The following ROBO1 variants were observed in gnomAD, a reference collection of about 807,000 sequenced individuals.
ROBO1 encodes the protein roundabout homolog 1.
A neutral mutation model predicts 195.9 loss-of-function variants in ROBO1; 149 were observed. That is an observed-to-expected ratio of 0.76 (90% CI 0.67 to 0.87). The LOEUF (loss-of-function observed/expected upper bound fraction) is 0.87. Ranked by LOEUF, ROBO1 falls within the 40% of genes least tolerant of loss-of-function variation. The pLI, the probability that ROBO1 is intolerant of heterozygous loss-of-function variation, is 0.00. For missense variants in ROBO1, 1,933 were observed against 2,068.3 expected (o/e 0.93, Z 1.27); for synonymous variants, 816 against 733.2 (o/e 1.11, Z -1.82).
At chr3:79,040,850 A>G (rs962875225) in intron 3 of ROBO1, among the ~76,000 whole-genome samples, 1 of 152,076 alleles carries the variant, frequency 6.6e-6, no homozygotes, top group African/African-American at 2.4e-5. Context: ...AAACTTCAAT[A>G]TGTCATAACT....
chr3:78,935,240 T>C (rs2039741638), intron 4 of ROBO1, among the ~76,000 whole-genome samples: 1 of 152,088 alleles, frequency 6.6e-6, no homozygotes, highest in Non-Finnish European at 1.5e-5. Flanking sequence ...AGTTCTTCTA[T>C]GGTTTTGCTG....
chr3:79,461,149 CAA>C (rs1205265855), intron 2 of ROBO1, among the ~76,000 whole-genome samples: 1 of 151,850 alleles, frequency 6.6e-6, no homozygotes, highest in Non-Finnish European at 1.5e-5. Context: ...AAGTTGTAAC[CAA>C]AAGTCTGTCT....
intron 5 of ROBO1, among the ~76,000 whole-genome samples, chr3:78,736,970 C>G (rs1036757298): frequency 6.6e-6 from 1 of 152,110 alleles, no homozygotes; most frequent in Non-Finnish European, 1.5e-5. Flanking sequence ...AAGGATAATA[C>G]GTAACTAGAA....
intron 2 of ROBO1, among the ~76,000 whole-genome samples, chr3:79,348,928 C>G (rs1559836203): frequency 6.6e-6 from 1 of 152,050 alleles, no homozygotes; most frequent in East Asian, 1.9e-4. Context: ...GAAAGTTTAA[C>G]TAAAAAAAAA....
At chr3:79,407,655 T>C (rs890130599) in intron 2 of ROBO1, among the ~76,000 whole-genome samples, 1 of 152,072 alleles carries the variant, frequency 6.6e-6, no homozygotes, top group African/African-American at 2.4e-5. Flanking sequence ...TGTAGTGGGG[T>C]TGTTTTCTTA....
chr3:78,815,536 G>A (rs1447322390), intron 4 of ROBO1, among the ~76,000 whole-genome samples: 1 of 152,138 alleles, frequency 6.6e-6, no homozygotes, highest in African/African-American at 2.4e-5. Context: ...AAGGTTGAGG[G>A]AGATGAGGAA....
chr3:79,364,119 G>A (rs2035872407), intron 2 of ROBO1, among the ~76,000 whole-genome samples: 1 of 151,888 alleles, frequency 6.6e-6, no homozygotes, highest in Non-Finnish European at 1.5e-5. Context: ...CAGGAGAATG[G>A]CGTGAACCCG....
At chr3:79,061,101 C>T (rs1315299875) in intron 3 of ROBO1, among the ~76,000 whole-genome samples, 1 of 152,028 alleles carries the variant, frequency 6.6e-6, no homozygotes, top group Non-Finnish European at 1.5e-5. Context: ...TTTAGAAAAC[C>T]CCATCGTCTT....
chr3:79,166,193 G>A (rs767142418), intron 2 of ROBO1, among the ~76,000 whole-genome samples: 1 of 152,150 alleles, frequency 6.6e-6, no homozygotes, highest in Non-Finnish European at 1.5e-5. Context: ...TGTAAGACTT[G>A]ATGAAGATCA....
intron 4 of ROBO1, among the ~76,000 whole-genome samples, chr3:78,849,827 C>T (rs867549148): frequency 8.5e-6 from 1 of 117,256 alleles, no homozygotes; most frequent in Non-Finnish European, 1.8e-5. Flanking sequence ...TCTCTCTCTC[C>T]CATTACACAC....
chr3:78,647,003 T>C (rs1385225441), intron 20 of ROBO1, among the ~76,000 whole-genome samples: 1 of 151,992 alleles, frequency 6.6e-6, no homozygotes, highest in Non-Finnish European at 1.5e-5. Context: ...AACTCCAAAC[T>C]GGAAGTCTGT....
intron 2 of ROBO1, among the ~76,000 whole-genome samples, chr3:79,477,089 A>G (rs1259731506): frequency 6.6e-6 from 1 of 151,928 alleles, no homozygotes; most frequent in Non-Finnish European, 1.5e-5. Flanking sequence ...TAATGTAATA[A>G]AAAAAAATCC....
At chr3:79,018,519 G>A in intron 3 of ROBO1, 3 of 1,606,624 alleles carry the variant, frequency 1.9e-6, no homozygotes, top group African/African-American at 2.7e-5. Context: ...TGGAAATAGG[G>A]TCCCCAAATG....
At chr3:78,851,517 T>G (rs2034065702) in intron 4 of ROBO1, among the ~76,000 whole-genome samples, 1 of 152,186 alleles carries the variant, frequency 6.6e-6, no homozygotes, top group Admixed American at 6.5e-5. Flanking sequence ...GGAGAGCACT[T>G]GGCACATTTC....
intron 4 of ROBO1, among the ~76,000 whole-genome samples, chr3:78,763,319 A>G (rs2083151771): frequency 6.6e-6 from 1 of 152,152 alleles, no homozygotes; most frequent in South Asian, 2.1e-4. Flanking sequence ...ACTACTGAAC[A>G]CATTTATAGT....
intron 1 of ROBO1, among the ~76,000 whole-genome samples, chr3:79,673,998 A>G (rs956230443): frequency 3.9e-5 from 6 of 152,040 alleles, no homozygotes; most frequent in African/African-American, 1.4e-4. Flanking sequence ...GTATTTATAA[A>G]TCAAAGATTC....
intron 2 of ROBO1, among the ~76,000 whole-genome samples, chr3:79,165,567 G>A (rs775849027): frequency 6.6e-6 from 1 of 152,196 alleles, no homozygotes; most frequent in Non-Finnish European, 1.5e-5. Context: ...CAATAATGGG[G>A]AGCAATGGGT....
chr3:79,607,981 G>A (rs907633960), intron 1 of ROBO1, among the ~76,000 whole-genome samples: 1 of 151,922 alleles, frequency 6.6e-6, no homozygotes, highest in African/African-American at 2.4e-5. Context: ...GCTAAATCAC[G>A]TTTATGCTGT....
chr3:79,503,559 T>C (rs1442185868), intron 2 of ROBO1, among the ~76,000 whole-genome samples: 2 of 152,154 alleles, frequency 1.3e-5, no homozygotes, highest in Non-Finnish European at 2.9e-5. Context: ...TTAATGTGTC[T>C]TTTTGTCTCA....
Sources: gnomAD v4.1 joint callset for allele counts (sites outside exome capture counted in the v4.1 genomes callset) on GRCh38, gnomAD v4.1.1 for gene constraint, MANE v1.5 for transcripts, NCBI Gene and HGNC (gene_info 2026-07-23, HGNC 2026-07-21) for gene names.